Variants in VWA8 observed in about 807,000 individuals in gnomAD.
The protein encoded by VWA8 is von Willebrand factor A domain-containing protein 8.
In VWA8, 221 loss-of-function variants were observed where a neutral mutation model predicts 241.5. The ratio of observed to expected loss-of-function variants is 0.91; its 90% CI spans 0.82 to 1.02. VWA8 has a LOEUF of 1.02. Among genes scored for constraint, VWA8 ranks in the 50% least tolerant of loss-of-function variants. The pLI is 0.00. For missense variants in VWA8, 2,322 were observed against 2,328.7 expected (o/e 1.00, Z 0.06); for synonymous variants, 852 against 827.1 (o/e 1.03, Z -0.52).
chr13:41,719,842 A>G (rs780343092), intron 25 of VWA8, 100 bp from the exon 26 acceptor site: 184 of 1,156,542 alleles, frequency 1.6e-4, no homozygotes, highest in Non-Finnish European at 2.1e-4. Flanking sequence ...AATGAACTAC[A>G]GCAGAAATTT....
At chr13:41,612,918 C>T (rs986554518) in intron 38 of VWA8, among the ~76,000 whole-genome samples, 1 of 152,152 alleles carries the variant, frequency 6.6e-6, no homozygotes, top group African/African-American at 2.4e-5. Context: ...ATATTATTTA[C>T]TTCATGGGAT....
chr13:41,707,640 C>T (rs897943830), intron 26 of VWA8, among the ~76,000 whole-genome samples: 4 of 152,172 alleles, frequency 2.6e-5, no homozygotes, highest in Non-Finnish European at 4.4e-5. Flanking sequence ...TTCACTGGAG[C>T]CTTTCATGGA....
At chr13:41,738,720 A>T (rs1201537909) in intron 21 of VWA8, among the ~76,000 whole-genome samples, 1 of 152,202 alleles carries the variant, frequency 6.6e-6, no homozygotes. Flanking sequence ...TTGCAGTAAC[A>T]TCATTTTCCT....
chr13:41,894,939 G>A (rs1875024409), intron 4 of VWA8, among the ~76,000 whole-genome samples: 3 of 151,638 alleles, frequency 2.0e-5, no homozygotes, highest in African/African-American at 7.3e-5. Context: ...GCCATGAGGA[G>A]GAAAAAGGAG....
At chr13:41,589,868 T>C (rs2044443225) in intron 41 of VWA8, among the ~76,000 whole-genome samples, 1 of 152,224 alleles carries the variant, frequency 6.6e-6, no homozygotes, top group Non-Finnish European at 1.5e-5. Context: ...TAAAATCATC[T>C]ACACTTCTCC....
intron 38 of VWA8, 111 bp downstream of exon 38, chr13:41,614,865 G>A: frequency 1.9e-6 from 2 of 1,029,588 alleles, no homozygotes; most frequent in Non-Finnish European, 1.5e-6. Context: ...AGTAATGAGG[G>A]AGGCTGAGAA....
At chr13:41,740,092 T>C (rs767444470) in intron 21 of VWA8, among the ~76,000 whole-genome samples, 3 of 151,966 alleles carry the variant, frequency 2.0e-5, no homozygotes, top group Non-Finnish European at 4.4e-5. Context: ...CCTGACCTCG[T>C]GATCTGCCCA....
chr13:41,897,892 G>A lies in VWA8; in HGVS notation c.484-6305C>T, dbSNP rs928141713. ...GCAGCCTGCTTTTATTCTGCTAGCT[G>A]GCCCCCACCCACATCCTGCTGATTG... On this transcript the variant is annotated intron_variant, in intron 4 of 44. Transcript: ENST00000379310. Among the ~76,000 whole-genome samples the A allele has an allele frequency of 2.0e-5, 3 of 152,256 alleles. No homozygotes were observed. The South Asian group carries it at 6.2e-4, about 32-fold the overall frequency.
chr13:41,639,654 C>T (rs1014461854), intron 37 of VWA8, among the ~76,000 whole-genome samples: 11 of 152,152 alleles, frequency 7.2e-5, no homozygotes, highest in African/African-American at 1.9e-4. Flanking sequence ...TGGCTTTATA[C>T]ACACTGAGGA....
At chr13:41,960,376 C>G (rs945531574) in intron 1 of VWA8, among the ~76,000 whole-genome samples, 3 of 152,124 alleles carry the variant, frequency 2.0e-5, no homozygotes, top group Non-Finnish European at 4.4e-5. Context: ...TTTAAAACAC[C>G]GTGAACTATG....
At chr13:41,664,419 G>T (rs948322680) in intron 37 of VWA8, among the ~76,000 whole-genome samples, 2 of 151,578 alleles carry the variant, frequency 1.3e-5, no homozygotes. Flanking sequence ...GTGTGTGTGT[G>T]TGTGTGTGTG....
In VWA8 at chr13:41,865,697, T is replaced by C. The variant is rs149504090; in HGVS notation, c.1425+39A>G. The C allele has an allele frequency of 1.1e-4, 179 of 1,608,406 alleles. No individual in the cohort carries two copies. In the African/African-American group the frequency reaches 2.2e-3, roughly 20 times the overall value. On this transcript the variant is annotated intron_variant, in intron 12 of 44. Transcript: ENST00000379310. ...ATTCTGCTGATGGCCTAAGCATATA[T>C]GCTTATAGTCCAAGTGCAGCTAAAA...
Position 41,729,566 on chromosome 13 carries a change from C to G in VWA8, c.2614G>C (p.Ala872Pro). Reference protein sequence around the residue: ...TLVENGEMILADGRRIVANSA... With the variant: ...TLVENGEMILPDGRRIVANSA... ...CTTGCAACAATGCGTCTTCCATCTG[C>G]TAGAATCATTTCTCCATTTTCTACT... Residue 872 changes from alanine (A) to proline (P), a missense_variant, in exon 23 of 45, where the codon GCA becomes CCA. Coordinates refer to ENST00000379310, the MANE Select transcript of VWA8 (RefSeq NM_015058.2). 6.2e-7 allele frequency: 1 copy of G among 1,612,272 alleles called. No homozygotes were observed. Among genetic ancestry groups the G allele is most frequent in the Non-Finnish European group, 8.5e-7 (1 of 1,179,196 alleles).
At chr13:41,670,686 C>G (rs1471506491) in intron 37 of VWA8, among the ~76,000 whole-genome samples, 2 of 152,142 alleles carry the variant, frequency 1.3e-5, no homozygotes, top group Admixed American at 6.5e-5. Context: ...AAACTAAAAG[C>G]TGCTGATTGT....
At chr13:41,874,613 T>C (rs1297613774) in intron 9 of VWA8, among the ~76,000 whole-genome samples, 1 of 152,192 alleles carries the variant, frequency 6.6e-6, no homozygotes, top group Non-Finnish European at 1.5e-5. Context: ...TTAGGTTATT[T>C]AAACTGTGAA....
intron 16 of VWA8, among the ~76,000 whole-genome samples, chr13:41,811,853 C>T (rs1463482708): frequency 6.6e-6 from 1 of 152,198 alleles, no homozygotes; most frequent in Non-Finnish European, 1.5e-5. Context: ...TTCCCCTATG[C>T]TGTCAGAATA....
At chr13:41,826,265 A>G (rs939939458) in intron 14 of VWA8, among the ~76,000 whole-genome samples, 6 of 152,208 alleles carry the variant, frequency 3.9e-5, no homozygotes, top group African/African-American at 1.4e-4. Context: ...ACAGATAAGG[A>G]AAGGGATTAG....
Position 41,724,856 on chromosome 13 carries a change from A to G in VWA8, c.2758+2338T>C, listed in dbSNP as rs561620086. The stretch of plus-strand genomic sequence containing the variant: ...TAAAACAAAAAGAAATTCATGCAGC[A>G]GTGTTGGAGCTGCGAGGAGAGAGAA... On this transcript the variant is annotated intron_variant, in intron 24 of 44. Transcript: ENST00000379310. Among the ~76,000 whole-genome samples the G allele has an allele frequency of 3.4e-4, 52 of 152,288 alleles. 1 individual carries two copies. The South Asian group carries it at 0.011, about 32-fold the overall frequency.
At chr13:41,893,379 T>C (rs1874939931) in intron 4 of VWA8, among the ~76,000 whole-genome samples, 1 of 151,770 alleles carries the variant, frequency 6.6e-6, no homozygotes, top group African/African-American at 2.4e-5. Flanking sequence ...GATCATTTCA[T>C]GAATAATCCC....
Sources: allele counts gnomAD v4.1 joint callset (sites outside exome capture counted in the v4.1 genomes callset), GRCh38; gene constraint gnomAD v4.1.1; transcripts MANE v1.5; gene names NCBI Gene and HGNC (gene_info 2026-07-23, HGNC 2026-07-21).